Variants in STK40 observed in about 807,000 individuals in gnomAD.
The protein encoded by STK40 is serine/threonine-protein kinase 40.
Under a neutral mutation model 47.9 loss-of-function variants are expected in STK40, and 13 were observed. The observed-to-expected ratio is 0.27, with a 90% CI of 0.18 to 0.43. The LOEUF is 0.43. Ranked by LOEUF, STK40 falls within the 20% of genes least tolerant of loss-of-function variation. STK40 has a pLI of 1.00. For missense variants in STK40, 460 were observed against 595.1 expected, an observed-to-expected ratio of 0.77 and a Z score of 2.36; for synonymous variants, 225 against 243.2, an observed-to-expected ratio of 0.93 and a Z score of 0.69.
chr1:36,342,849 G>C (rs1174959208), intron 10 of STK40: 1 of 319,524 alleles, frequency 3.1e-6, no homozygotes, highest in Non-Finnish European at 5.9e-6. Flanking sequence ...CCAGGGCCCA[G>C]CAATGCTGTT....
At chr1:36,352,034 A>C (rs1020050575) in intron 6 of STK40, among the ~76,000 whole-genome samples, 3 of 152,238 alleles carry the variant, frequency 2.0e-5, no homozygotes, top group Non-Finnish European at 4.4e-5. Context: ...AAGGCCCCAG[A>C]GAGGGCCAGG....
intron 9 of STK40, 131 bp from the exon 10 acceptor site, chr1:36,343,579 T>C: frequency 9.7e-7 from 1 of 1,031,670 alleles, no homozygotes; most frequent in South Asian, 1.6e-5. Flanking sequence ...CTCAGTTTTC[T>C]TATCCCATAA....
At chr1:36,367,850 A>G (rs928752446) in intron 1 of STK40, 20 of 985,430 alleles carry the variant, frequency 2.0e-5, no homozygotes, top group Non-Finnish European at 2.3e-5. Context: ...GCAATTACCT[A>G]CTTGACATAC....
Position 36,341,978 on chromosome 1 carries a change from G to C in STK40, c.1090-5C>G, listed in dbSNP as rs556999586. ...GCACTCCTCCGTCACCTTCGCCTTT[G>C]AGGCGGGGAGGGTGGGAAGGAGACA... On this transcript the variant is annotated splice_region_variant and splice_polypyrimidine_tract_variant and intron_variant, in intron 10 of 10. Transcript: ENST00000373132. 6 of 1,609,020 alleles carry C rather than the reference G, an allele frequency of 3.7e-6. No individual in the cohort carries two copies. In the African/African-American group the frequency reaches 8.0e-5, roughly 21 times the overall value.
rs1008416415 is a variant in STK40 at position 36,385,850 on chromosome 1, C to T, written c.-136G>A. ...AGCCTCTCACCGCCGCCTCCCAGCG[C>T]AGCCACCCGAGCCGCCGCCGCCGCC... is the stretch of plus-strand genomic sequence containing the variant. On this transcript the variant is annotated 5_prime_UTR_variant, in exon 1 of 11. Coordinates refer to ENST00000373132, the MANE Select transcript of STK40 (RefSeq NM_001282547.2). 3.9e-5 allele frequency: 7 copies of T among 177,906 alleles called. No homozygotes were observed. Among genetic ancestry groups the T allele is most frequent in the Non-Finnish European group, 6.8e-5 (6 of 88,304 alleles). 11.0% of individuals were successfully genotyped at this position (177,906 alleles called of 1,614,324 possible).
intron 1 of STK40, chr1:36,367,790 A>G (rs1646914543): frequency 1.0e-6 from 1 of 986,014 alleles, no homozygotes; most frequent in African/African-American, 1.7e-5. Context: ...CCCCCACTCT[A>G]CACTGAGAAG....
At chr1:36,348,986 G>C (rs1646728423) in intron 6 of STK40, among the ~76,000 whole-genome samples, 171 bp from the exon 7 acceptor site, 1 of 152,220 alleles carries the variant, frequency 6.6e-6, no homozygotes, top group African/African-American at 2.4e-5. Context: ...GAGCAGAGCA[G>C]AGGAATCAGG....
chr1:36,357,694 G>A (rs1646816968), intron 4 of STK40, among the ~76,000 whole-genome samples: 1 of 152,188 alleles, frequency 6.6e-6, no homozygotes, highest in South Asian at 2.1e-4. Context: ...TTGGCTCACT[G>A]CAACCTCCAC....
chr1:36,369,917 G>A (rs1646931028), intron 1 of STK40, among the ~76,000 whole-genome samples: 1 of 152,240 alleles, frequency 6.6e-6, no homozygotes, highest in Non-Finnish European at 1.5e-5. Context: ...TGAATAAAGA[G>A]GTACAAGGTG....
At chr1:36,356,827 G>T (rs1381375551) in intron 4 of STK40, among the ~76,000 whole-genome samples, 4 of 152,136 alleles carry the variant, frequency 2.6e-5, no homozygotes, top group East Asian at 1.9e-4. Context: ...GATCACCCAG[G>T]TTCTCTCATC....
intron 6 of STK40, 98 bp from the exon 7 acceptor site, chr1:36,348,913 T>G: frequency 9.9e-7 from 1 of 1,009,970 alleles, no homozygotes; most frequent in Non-Finnish European, 1.5e-6. Context: ...CACCCAATCC[T>G]GAACAGTAGG....
chr1:36,369,912 A>G (rs1327985869), intron 1 of STK40, among the ~76,000 whole-genome samples: 3 of 152,224 alleles, frequency 2.0e-5, no homozygotes, highest in African/African-American at 4.8e-5. Context: ...GCAGTTGAAT[A>G]AAGAGGTACA....
intron 1 of STK40, among the ~76,000 whole-genome samples, chr1:36,373,444 T>C (rs1239287200): frequency 6.6e-6 from 1 of 152,232 alleles, no homozygotes; most frequent in Non-Finnish European, 1.5e-5. Flanking sequence ...CTAAAGACTG[T>C]GGCCCAGGTT....
intron 9 of STK40, 108 bp downstream of exon 9, chr1:36,343,752 A>C: frequency 6.8e-7 from 1 of 1,466,480 alleles, no homozygotes; most frequent in Non-Finnish European, 9.0e-7. Context: ...TGGAAATCTG[A>C]CTCTAACTGG....
intron 6 of STK40, among the ~76,000 whole-genome samples, chr1:36,350,140 C>T (rs1007742521): frequency 2.6e-5 from 4 of 152,232 alleles, no homozygotes; most frequent in South Asian, 2.1e-4. Context: ...CCAACTCCAG[C>T]GCCTATACAG....
rs1208660410 is a variant in STK40, at chr1:36,342,230, T to C, written c.1090-257A>G. On this transcript the variant is annotated intron_variant, in intron 10 of 10. Transcript: ENST00000373132. ...CGCAGACTCATGCTTCCTAACTCAC[T>C]GGCTGCGTGAGAGGTCACTTTACCT... 5 of 514,128 alleles carry C rather than the reference T, an allele frequency of 9.7e-6. No individual in the cohort carries two copies. The East Asian group carries it at 1.0e-4, about 11-fold the overall frequency. The allele number at this position is 514,128 out of a possible 1,614,324, so 31.8% of individuals were successfully genotyped here. A position where few individuals can be genotyped will look rare whatever the true frequency, so the allele number is the denominator to read the frequency against.
intron 1 of STK40, among the ~76,000 whole-genome samples, chr1:36,384,757 C>A (rs976110464): frequency 1.2e-4 from 18 of 152,222 alleles, no homozygotes; most frequent in Admixed American, 2.6e-4. Flanking sequence ...TTGCACAGCA[C>A]GGCCATTAGG....
intron 1 of STK40, among the ~76,000 whole-genome samples, chr1:36,378,524 T>C (rs1340353791): frequency 6.6e-6 from 1 of 151,912 alleles, no homozygotes; most frequent in East Asian, 1.9e-4. Context: ...AGTGACACGA[T>C]CTTGGCTCAC....
intron 10 of STK40, 199 bp from the exon 11 acceptor site, chr1:36,342,172 C>T: frequency 1.7e-6 from 1 of 596,012 alleles, no homozygotes; most frequent in Non-Finnish European, 3.0e-6. Context: ...ACCTCAACTC[C>T]CCTTGCAGGC....
Sources: allele counts gnomAD v4.1 joint callset (sites outside exome capture counted in the v4.1 genomes callset), GRCh38; gene constraint gnomAD v4.1.1; transcripts MANE v1.5; gene names NCBI Gene and HGNC (gene_info 2026-07-23, HGNC 2026-07-21).